Variants in STK39 observed in about 807,000 individuals in gnomAD.
The protein encoded by STK39 is serine/threonine kinase 39.
STK39 carries 20 observed loss-of-function variants against 77.8 expected under a neutral mutation model. The observed-to-expected ratio is 0.26, with a 90% CI of 0.18 to 0.37. STK39 has a LOEUF of 0.37. STK39 is among the 10% of genes least tolerant of loss of function. The pLI is 1.00. For missense variants in STK39, 479 were observed against 656.5 expected (o/e 0.73, Z 2.95); for synonymous variants, 246 against 234.1 (o/e 1.05, Z -0.47).
At chr2:168,066,997 G>A (rs1685813436) in intron 12 of STK39, among the ~76,000 whole-genome samples, 1 of 152,206 alleles carries the variant, frequency 6.6e-6, no homozygotes, top group South Asian at 2.1e-4. Flanking sequence ...AGGTGTGGGT[G>A]GGTCACTTGA....
chr2:168,038,450 A>T (rs532237657), intron 14 of STK39, among the ~76,000 whole-genome samples: 424 of 16,004 alleles, frequency 0.026, no homozygotes, highest in Non-Finnish European at 0.065. Context: ...AAAATGATTT[A>T]AAAAAAAAAA....
chr2:167,985,192 C>T (rs762676258), intron 16 of STK39, among the ~76,000 whole-genome samples: 14 of 152,184 alleles, frequency 9.2e-5, no homozygotes, highest in Non-Finnish European at 1.6e-4. Flanking sequence ...ATAAGAAATA[C>T]TTTATCAGGG....
chr2:167,956,152 TAAAAG>T (rs1265650045), intron 17 of STK39, among the ~76,000 whole-genome samples: 1 of 152,244 alleles, frequency 6.6e-6, no homozygotes, highest in Non-Finnish European at 1.5e-5. Context: ...TTCTTTTCTA[TAAAAG>T]AATTTTGTTT....
At chr2:168,048,901 G>A (rs1318507370) in intron 14 of STK39, among the ~76,000 whole-genome samples, 1 of 152,184 alleles carries the variant, frequency 6.6e-6, no homozygotes, top group African/African-American at 2.4e-5. Context: ...CCTCAACAGC[G>A]TCACACAGAC....
intron 14 of STK39, among the ~76,000 whole-genome samples, chr2:168,018,546 G>GAA (rs374817786): frequency 2.7e-5 from 3 of 109,314 alleles, no homozygotes; most frequent in Admixed American, 9.9e-5. Context: ...AGAAAAGAAA[G>GAA]AAAGAAAGAA....
intron 14 of STK39, among the ~76,000 whole-genome samples, chr2:168,039,904 G>A (rs1010057276): frequency 6.6e-6 from 1 of 152,136 alleles, no homozygotes; most frequent in African/African-American, 2.4e-5. Flanking sequence ...TTAGATAAAG[G>A]TATTGCTGAT....
intron 1 of STK39, among the ~76,000 whole-genome samples, chr2:168,195,743 G>C (rs995509011): frequency 6.6e-6 from 1 of 152,204 alleles, no homozygotes; most frequent in African/African-American, 2.4e-5. Context: ...TTGGCTGCGC[G>C]AGGTGGCTCA....
At chr2:168,105,895 G>T (rs1233232378) in intron 10 of STK39, among the ~76,000 whole-genome samples, 1 of 152,126 alleles carries the variant, frequency 6.6e-6, no homozygotes, top group Non-Finnish European at 1.5e-5. Context: ...GAACAATGAG[G>T]GTTTCATTTA....
At chr2:168,074,138 C>T (rs1686013772) in intron 12 of STK39, among the ~76,000 whole-genome samples, 1 of 151,950 alleles carries the variant, frequency 6.6e-6, no homozygotes, top group Non-Finnish European at 1.5e-5. Flanking sequence ...CTTACAAGAC[C>T]CAGGCTGGCT....
chr2:168,240,541 G>C (rs1187982058), intron 1 of STK39, among the ~76,000 whole-genome samples: 1 of 152,220 alleles, frequency 6.6e-6, no homozygotes, highest in African/African-American at 2.4e-5. Context: ...TTAGGACTTG[G>C]TGACCAAACA....
At chr2:168,033,876 A>G (rs2105342436) in intron 14 of STK39, among the ~76,000 whole-genome samples, 1 of 152,334 alleles carries the variant, frequency 6.6e-6, no homozygotes, top group South Asian at 2.1e-4. Flanking sequence ...AAAATAAGGT[A>G]GTGACACGAA....
chr2:168,239,608 A>C (rs1690707504), intron 1 of STK39, among the ~76,000 whole-genome samples: 1 of 152,258 alleles, frequency 6.6e-6, no homozygotes, highest in Non-Finnish European at 1.5e-5. Flanking sequence ...GGATCCAGTG[A>C]GGCAAATTTT....
At chr2:168,123,131 T>C (rs1687451037) in intron 10 of STK39, among the ~76,000 whole-genome samples, 1 of 152,158 alleles carries the variant, frequency 6.6e-6, no homozygotes, top group South Asian at 2.1e-4. Context: ...TTCAGAAATA[T>C]CACACAGACC....
chr2:168,125,473 C>A (rs1687517374), intron 10 of STK39, among the ~76,000 whole-genome samples: 1 of 152,170 alleles, frequency 6.6e-6, no homozygotes, highest in Non-Finnish European at 1.5e-5. Context: ...TACAGCTGCA[C>A]TTAGCTCTGT....
chr2:168,067,016 G>A lies in STK39; in HGVS notation c.1243-1635C>T, dbSNP rs571850993. On this transcript the variant is annotated intron_variant, in intron 12 of 17. Coordinates refer to ENST00000355999, the MANE Select transcript of STK39 (RefSeq NM_013233.3). ...GTGGGTGGGTCACTTGAGGCCAAGA[G>A]TTCGAGGCTAGCTCGGGCAACATGG... Among the ~76,000 whole-genome samples the A allele has an allele frequency of 1.3e-4, 20 of 152,340 alleles. No homozygotes were observed. In the South Asian group the frequency reaches 3.9e-3, roughly 30 times the overall value.
At chr2:168,114,826 G>A (rs1687217552) in intron 10 of STK39, among the ~76,000 whole-genome samples, 2 of 152,086 alleles carry the variant, frequency 1.3e-5, no homozygotes, top group Admixed American at 6.6e-5. Context: ...AAAACGGCGT[G>A]GTCTTACTTT....
In STK39 at chr2:167,991,394, A is replaced by G. The variant is rs566659854; in HGVS notation, c.1498+21240T>C. Among the ~76,000 whole-genome samples the G allele has an allele frequency of 7.4e-4, 112 of 152,308 alleles. 1 individual carries two copies. Among genetic ancestry groups the G allele is most frequent in the African/African-American group, 2.6e-3 (108 of 41,576 alleles). ...GACCTAAGGAGTCTGCCCAAAGAGAAGAGTAAAGGCACATGAGTTAGAGCT... is the reference window on the plus strand; with the variant it reads ...GACCTAAGGAGTCTGCCCAAAGAGAGGAGTAAAGGCACATGAGTTAGAGCT... On this transcript the variant is annotated intron_variant, in intron 16 of 17. Transcript: ENST00000355999.
chr2:167,990,947 C>T (rs4667993), intron 16 of STK39, among the ~76,000 whole-genome samples: 116,554 of 152,136 alleles, frequency 0.77, 44,838 homozygotes, highest in African/African-American at 0.82. Flanking sequence ...AGTGCTCAAA[C>T]AGAGCCCAAA....
At chr2:168,162,770 G>A (rs1305649076) in intron 4 of STK39, among the ~76,000 whole-genome samples, 1 of 152,108 alleles carries the variant, frequency 6.6e-6, no homozygotes, top group African/African-American at 2.4e-5. Context: ...GCTCACGCCT[G>A]TAATCCTAGC....
Sources: gnomAD v4.1 joint callset for allele counts (sites outside exome capture counted in the v4.1 genomes callset) on GRCh38, gnomAD v4.1.1 for gene constraint, MANE v1.5 for transcripts, NCBI Gene and HGNC (gene_info 2026-07-23, HGNC 2026-07-21) for gene names.